Variants in CCDC85A observed in about 807,000 individuals in gnomAD.
CCDC85A encodes coiled-coil domain containing 85A.
Under a neutral mutation model 50.2 loss-of-function variants are expected in CCDC85A, and 38 were observed. That is an observed-to-expected ratio of 0.76 (90% CI 0.58 to 0.99). The LOEUF (loss-of-function observed/expected upper bound fraction) is 0.99. CCDC85A is among the 50% of genes least tolerant of loss of function. CCDC85A has a pLI of 0.00. For synonymous variants in CCDC85A, 366 were observed against 301.4 expected (o/e 1.21, Z -2.22); for missense variants, 820 against 742.0 (o/e 1.11, Z -1.22).
intron 3 of CCDC85A, among the ~76,000 whole-genome samples, chr2:56,359,925 C>T (rs1443042997): frequency 1.3e-5 from 2 of 152,144 alleles, no homozygotes; most frequent in Admixed American, 1.3e-4. Flanking sequence ...TTCGGAAGGA[C>T]AGAGGAGAAC....
At chr2:56,184,936 T>A in intron 1 of CCDC85A, 36 bp downstream of exon 1, 1 of 1,452,042 alleles carries the variant, frequency 6.9e-7, no homozygotes, top group Non-Finnish European at 9.0e-7. Context: ...GCGGCGCGGC[T>A]GGGAGCGGGG....
intron 2 of CCDC85A, among the ~76,000 whole-genome samples, chr2:56,309,383 A>G (rs1163449917): frequency 2.6e-5 from 4 of 152,174 alleles, no homozygotes; most frequent in Admixed American, 2.6e-4. Context: ...CAGCTTAATT[A>G]TAATAAAAGC....
chr2:56,361,022 G>C (rs952265297), intron 3 of CCDC85A, among the ~76,000 whole-genome samples: 2 of 152,218 alleles, frequency 1.3e-5, no homozygotes, highest in Non-Finnish European at 2.9e-5. Context: ...GGGAAGCCAA[G>C]GCGGGCAGAT....
intron 3 of CCDC85A, among the ~76,000 whole-genome samples, chr2:56,348,157 C>A (rs1359896873): frequency 6.6e-6 from 1 of 152,180 alleles, no homozygotes; most frequent in Non-Finnish European, 1.5e-5. Flanking sequence ...CAATTAAATA[C>A]ATTTGTTAAA....
chr2:56,184,597 C>A lies in CCDC85A; in HGVS notation c.-28C>A. On this transcript the variant is annotated 5_prime_UTR_variant, in exon 1 of 6. Transcript: ENST00000407595. ...CGGGAGTCGCCTCGCCTCTTCCACC[C>A]ACTTGCACCTGCCACCCCGCGGATA... The A allele has an allele frequency of 7.1e-7, 1 of 1,408,318 alleles. No homozygotes were observed. The highest frequency in any genetic ancestry group is 2.9e-5 in the East Asian group (1 of 34,528). 87.2% of individuals were successfully genotyped at this position (1,408,318 alleles called of 1,614,324 possible).
At chr2:56,263,047 A>C (rs181799755) in intron 2 of CCDC85A, among the ~76,000 whole-genome samples, 1 of 152,338 alleles carries the variant, frequency 6.6e-6, no homozygotes, top group East Asian at 1.9e-4. Flanking sequence ...CTTAGGTAAG[A>C]AAAGCACTAG....
Position 56,340,601 on chromosome 2 carries a change from C to A in CCDC85A, c.1241-2278C>A, listed in dbSNP as rs114217238. 9.2e-3 allele frequency among the ~76,000 whole-genome samples: 1,405 copies of A among 152,122 alleles called. 28 individuals are homozygous for A. The highest frequency in any genetic ancestry group is 0.031 in the African/African-American group (1,282 of 41,500). On this transcript the variant is annotated intron_variant, in intron 2 of 5. Coordinates refer to ENST00000407595, the MANE Select transcript of CCDC85A (RefSeq NM_001080433.2). ...ATTAAAAAGCTTTAGAATGGCTGTG[C>A]GTGGTAGCTCATGCCTGTAATCCCA...
At chr2:56,294,983 G>C (rs372078630) in intron 2 of CCDC85A, among the ~76,000 whole-genome samples, 1 of 152,166 alleles carries the variant, frequency 6.6e-6, no homozygotes. Flanking sequence ...ATGATAGCAT[G>C]AACTAAAGTC....
intron 2 of CCDC85A, among the ~76,000 whole-genome samples, chr2:56,214,029 T>C (rs567825941): frequency 2.0e-3 from 308 of 152,024 alleles, no homozygotes; most frequent in Non-Finnish European, 3.4e-3. Flanking sequence ...GGGACCAGGT[T>C]TGGCTGATAG....
chr2:56,336,156 A>G (rs1324855755), intron 2 of CCDC85A, among the ~76,000 whole-genome samples: 17 of 151,690 alleles, frequency 1.1e-4, no homozygotes, highest in Admixed American at 1.1e-3. Flanking sequence ...TTATTTATTT[A>G]TTTATTTATT....
intron 2 of CCDC85A, among the ~76,000 whole-genome samples, chr2:56,241,346 GT>G (rs1669249130): frequency 6.6e-6 from 1 of 151,964 alleles, no homozygotes; most frequent in African/African-American, 2.4e-5. Context: ...ACTCTTTTAG[GT>G]TTTTTTAAAA....
At chr2:56,210,762 C>T (rs1050652556) in intron 2 of CCDC85A, among the ~76,000 whole-genome samples, 6 of 152,040 alleles carry the variant, frequency 3.9e-5, no homozygotes, top group African/African-American at 1.4e-4. Context: ...CAGTGTGGCT[C>T]GGTGATCCAA....
At position 56,192,594 on chromosome 2, in the gene CCDC85A, T is replaced by C. The variant is rs768459730; in HGVS notation, c.394T>C (p.Tyr132His). 2 of 1,613,714 alleles carry C rather than the reference T, an allele frequency of 1.2e-6. No individual in the cohort carries two copies. Among genetic ancestry groups the C allele is most frequent in the African/African-American group, 1.3e-5 (1 of 74,844 alleles). ...TCGGGAGTGGCAGAGACTGGGTCGC[T>C]ACACTGCCGGGGTGATGCACAAGGA... ...VSREWQRLGR[Y>H]TAGVMHKEVA... Residue 132 changes from tyrosine to histidine, a missense_variant, in exon 2 of 6, where the codon TAC becomes CAC. By Grantham distance (83) the Tyr-to-His change is moderately conservative. Transcript: ENST00000407595. This position sits in a 1 kb window ranked among gnomAD's most constrained non-coding sequence, Gnocchi z 4.7.
intron 2 of CCDC85A, among the ~76,000 whole-genome samples, chr2:56,335,604 CTTTT>C (rs35400454): frequency 7.0e-6 from 1 of 143,846 alleles, no homozygotes; most frequent in Non-Finnish European, 1.5e-5. Context: ...CCAAACTCAT[CTTTT>C]TTTTTTTTTT....
At chr2:56,219,533 CT>C (rs1668229230) in intron 2 of CCDC85A, among the ~76,000 whole-genome samples, 2 of 151,688 alleles carry the variant, frequency 1.3e-5, no homozygotes, top group Non-Finnish European at 2.9e-5. Flanking sequence ...CCCATCTTTC[CT>C]TTGCGTTCCA....
intron 3 of CCDC85A, among the ~76,000 whole-genome samples, chr2:56,352,824 G>A (rs929000090): frequency 1.3e-5 from 2 of 152,130 alleles, no homozygotes; most frequent in Non-Finnish European, 2.9e-5. Flanking sequence ...CTAGTTCTTT[G>A]CCTGGCTCTG....
chr2:56,373,364 A>G (rs1676176433), intron 4 of CCDC85A, among the ~76,000 whole-genome samples: 2 of 151,808 alleles, frequency 1.3e-5, no homozygotes, highest in African/African-American at 2.4e-5. Flanking sequence ...CATTTTTTAA[A>G]GAAAACTACT....
intron 2 of CCDC85A, among the ~76,000 whole-genome samples, chr2:56,224,879 C>G (rs1668478172): frequency 6.6e-6 from 1 of 151,912 alleles, no homozygotes; most frequent in African/African-American, 2.4e-5. Flanking sequence ...ATAGTTGTTT[C>G]TCATTCTGTG....
intron 2 of CCDC85A, among the ~76,000 whole-genome samples, chr2:56,336,373 C>T (rs1222852736): frequency 6.6e-6 from 1 of 152,102 alleles, no homozygotes; most frequent in Non-Finnish European, 1.5e-5. Context: ...AGGCTGATCT[C>T]GAACTCCTGA....
Sources: allele counts gnomAD v4.1 joint callset (sites outside exome capture counted in the v4.1 genomes callset), GRCh38; gene constraint gnomAD v4.1.1; non-coding constraint Gnocchi (gnomAD v3.1); transcripts MANE v1.5; gene names NCBI Gene and HGNC (gene_info 2026-07-23, HGNC 2026-07-21).